FAM156A: variants seen among roughly 807,000 people sequenced by gnomAD.
The protein encoded by FAM156A is protein FAM156A/FAM156B.
chrX:52,993,233 C>A (rs1930906953), intron 1 of FAM156A, among the ~76,000 whole-genome samples: 1 of 110,474 alleles, frequency 9.1e-6, no homozygotes, highest in African/African-American at 3.3e-5. Flanking sequence ...AGGGCTGTTG[C>A]ACTTGCTGTT....
At chrX:52,994,096 C>T (rs1556796168) in intron 1 of FAM156A, among the ~76,000 whole-genome samples, 4 of 110,614 alleles carry the variant, frequency 3.6e-5, no homozygotes, top group Non-Finnish European at 7.6e-5. Flanking sequence ...GACCTCACAG[C>T]CAAAAAGGTA....
At chrX:52,988,684 T>A (rs1226183762) in intron 1 of FAM156A, among the ~76,000 whole-genome samples, 1 of 112,643 alleles carries the variant, frequency 8.9e-6, no homozygotes, top group Non-Finnish European at 1.9e-5. Context: ...ACTATTGTTA[T>A]TTGCTTTTGA....
intron 1 of FAM156A, among the ~76,000 whole-genome samples, chrX:52,977,313 T>TCCACACTCCACTCTCTTCCCCC (rs1929563523): frequency 4.6e-5 from 5 of 109,401 alleles, no homozygotes; most frequent in Non-Finnish European, 9.5e-5. Flanking sequence ...TCACTTCCCC[T>TCCACACTCCACTCTCTTCCCCC]CCACACTCCA....
Position 52,976,121 on chromosome X carries a change from C to T in FAM156A, c.-433-11886G>A, listed in dbSNP as rs782597281. Among the ~76,000 whole-genome samples, 4 of 111,632 alleles carry T rather than the reference C, an allele frequency of 3.6e-5. No homozygotes were observed. In the East Asian group the frequency reaches 1.1e-3, roughly 31 times the overall value. On this transcript the variant is annotated intron_variant, in intron 1 of 4. Coordinates refer to the FAM156A transcript ENST00000610625. ...CCTTTTACCCCTAATCCTCAAGATA[C>T]CTAAAAGAATGAGTCTTCAGAACAT...
At chrX:52,983,379 A>G (rs886172062) in intron 1 of FAM156A, among the ~76,000 whole-genome samples, 14 of 103,530 alleles carry the variant, frequency 1.4e-4, no homozygotes, top group African/African-American at 5.0e-4. Flanking sequence ...CAGCAGCCAT[A>G]AAACAAAAAA....
intron 1 of FAM156A, among the ~76,000 whole-genome samples, chrX:52,981,527 G>A (rs1055706352): frequency 2.7e-5 from 3 of 111,783 alleles, no homozygotes; most frequent in African/African-American, 9.8e-5. Flanking sequence ...CCCCAGTGTG[G>A]CTTCCCACTG....
At chrX:52,989,028 C>T (rs1930502867) in intron 1 of FAM156A, among the ~76,000 whole-genome samples, 1 of 112,255 alleles carries the variant, frequency 8.9e-6, no homozygotes, top group Admixed American at 9.4e-5. Flanking sequence ...TAAATGATGG[C>T]ATATAATCCA....
At chrX:52,985,219 A>G (rs1407869418) in intron 1 of FAM156A, among the ~76,000 whole-genome samples, 3 of 104,555 alleles carry the variant, frequency 2.9e-5, no homozygotes, top group African/African-American at 1.1e-4. Context: ...TCAAAATAGG[A>G]AAAAAAAAAA....
chrX:52,974,852 C>T (rs1375336444), intron 1 of FAM156A, among the ~76,000 whole-genome samples: 3 of 110,331 alleles, frequency 2.7e-5, no homozygotes, highest in African/African-American at 6.6e-5. Flanking sequence ...CTCATCTCCT[C>T]GGGGCTGGGT....
At chrX:52,980,502 A>G (rs1282487328) in intron 1 of FAM156A, among the ~76,000 whole-genome samples, 1 of 112,090 alleles carries the variant, frequency 8.9e-6, no homozygotes, top group Non-Finnish European at 1.9e-5. Context: ...GGTTGGAAAC[A>G]TGCCCAGTAG....
At chrX:52,987,139 A>G (rs1181808401) in intron 1 of FAM156A, among the ~76,000 whole-genome samples, 3 of 111,901 alleles carry the variant, frequency 2.7e-5, no homozygotes, top group African/African-American at 9.7e-5. Context: ...AAACATGTGC[A>G]GGAGCCGTAT....
intron 1 of FAM156A, among the ~76,000 whole-genome samples, chrX:52,973,385 C>G (rs1485279624): frequency 9.1e-6 from 1 of 110,279 alleles, no homozygotes. Flanking sequence ...AGACACACTA[C>G]ATACAGAGGA....
intron 1 of FAM156A, among the ~76,000 whole-genome samples, chrX:52,976,497 G>A (rs113616169): frequency 0.059 from 6,540 of 111,368 alleles, 233 homozygotes; most frequent in African/African-American, 0.13. Flanking sequence ...GGAAGAAAAC[G>A]CAAGTAAAAC....
intron 1 of FAM156A, among the ~76,000 whole-genome samples, chrX:52,989,202 G>A (rs1374041422): frequency 9.0e-6 from 1 of 111,314 alleles, no homozygotes; most frequent in East Asian, 2.8e-4. Flanking sequence ...CAGAGATGAC[G>A]ACAACAGGAA....
chrX:52,974,437 C>G (rs1929290071), intron 1 of FAM156A, among the ~76,000 whole-genome samples: 1 of 111,787 alleles, frequency 8.9e-6, no homozygotes, highest in African/African-American at 3.3e-5. Context: ...AGCACAGTAC[C>G]TAGAACATAG....
rs913337952 is a variant in FAM156A at position 52,977,246 on chromosome X, T to C, written c.-433-13011A>G. Among the ~76,000 whole-genome samples the C allele has an allele frequency of 2.8e-5, 3 of 107,855 alleles. No individual in the cohort carries two copies. In the East Asian group the frequency reaches 8.7e-4, roughly 31 times the overall value. 93.7% of individuals were successfully genotyped at this position (107,855 alleles called of 115,157 possible). On this transcript the variant is annotated intron_variant, in intron 1 of 4. Coordinates refer to the FAM156A transcript ENST00000610625. ...TCTCTGAACTTCTGCTTTCTGCTCT[T>C]CCCCATTATTCCTTGCCCCTGTCTG...
chrX:52,977,873 A>G (rs1929602090), intron 1 of FAM156A, among the ~76,000 whole-genome samples: 1 of 112,405 alleles, frequency 8.9e-6, no homozygotes, highest in South Asian at 3.7e-4. Context: ...GATCTTCACA[A>G]TTTGATGGAG....
chrX:52,993,571 C>T (rs1420396797), intron 1 of FAM156A, among the ~76,000 whole-genome samples: 1 of 109,661 alleles, frequency 9.1e-6, no homozygotes, highest in East Asian at 2.8e-4. Context: ...TCTGCCACCA[C>T]GCCTGGCTAA....
chrX:52,989,465 C>T (rs1930539889), intron 1 of FAM156A, among the ~76,000 whole-genome samples: 1 of 112,098 alleles, frequency 8.9e-6, no homozygotes, highest in Admixed American at 9.4e-5. Flanking sequence ...CATGAGCATC[C>T]CCTGCATGTT....
Sources: gnomAD v4.1 joint callset for allele counts (sites outside exome capture counted in the v4.1 genomes callset) on GRCh38, gnomAD v4.1.1 for gene constraint, MANE v1.5 for transcripts, NCBI Gene and HGNC (gene_info 2026-07-23, HGNC 2026-07-21) for gene names.